Variants in ANKRD55 observed in about 807,000 individuals in gnomAD.
ANKRD55 encodes the protein ankyrin repeat domain-containing protein 55.
Under a neutral mutation model 60.6 loss-of-function variants are expected in ANKRD55, and 41 were observed. That is an observed-to-expected ratio of 0.68 (90% CI 0.53 to 0.88). ANKRD55 has a LOEUF of 0.88. Ranked by LOEUF, ANKRD55 falls within the 40% of genes least tolerant of loss-of-function variation. ANKRD55 has a pLI of 0.00. For synonymous variants in ANKRD55, 264 were observed against 290.3 expected, an observed-to-expected ratio of 0.91 and a Z score of 0.92; for missense variants, 732 against 767.6, an observed-to-expected ratio of 0.95 and a Z score of 0.55.
chr5:56,184,609 A>C (rs2111833561), intron 2 of ANKRD55, among the ~76,000 whole-genome samples: 1 of 152,310 alleles, frequency 6.6e-6, no homozygotes, highest in East Asian at 1.9e-4. Context: ...GGTCAAAGGC[A>C]ACATCAGGCC....
chr5:56,129,157 C>T (rs985619467), intron 7 of ANKRD55, among the ~76,000 whole-genome samples: 1 of 152,092 alleles, frequency 6.6e-6, no homozygotes, highest in African/African-American at 2.4e-5. Flanking sequence ...GACTGTGTGT[C>T]AGCCAAAAAT....
chr5:56,227,328 G>A (rs532800434), intron 2 of ANKRD55, among the ~76,000 whole-genome samples: 1 of 143,454 alleles, frequency 7.0e-6, no homozygotes, highest in African/African-American at 2.6e-5. Flanking sequence ...CCACACACCC[G>A]GGCCTGTTGT....
At chr5:56,210,775 A>G (rs1251907411) in intron 2 of ANKRD55, among the ~76,000 whole-genome samples, 1 of 152,200 alleles carries the variant, frequency 6.6e-6, no homozygotes, top group Admixed American at 6.5e-5. Context: ...ATGATTAGAA[A>G]TAACTTTATG....
chr5:56,220,014 G>A (rs927795462), intron 2 of ANKRD55, among the ~76,000 whole-genome samples: 4 of 152,208 alleles, frequency 2.6e-5, no homozygotes, highest in Non-Finnish European at 5.9e-5. Flanking sequence ...CAGCATGGTG[G>A]CCCAGCTGCC....
chr5:56,214,269 T>G (rs1356885278), intron 2 of ANKRD55, among the ~76,000 whole-genome samples: 1 of 152,170 alleles, frequency 6.6e-6, no homozygotes, highest in African/African-American at 2.4e-5. Context: ...AGAGAGGAAG[T>G]GAAGGCTTGG....
At position 56,100,222 on chromosome 5, in the gene ANKRD55, CTCT is replaced by C; in HGVS notation, c.1803_1805del (p.Glu602del). 6.2e-7 allele frequency: 1 copy of C among 1,614,216 alleles called. No individual in the cohort carries two copies. The highest frequency in any genetic ancestry group is 8.5e-7 in the Non-Finnish European group (1 of 1,180,026). On this transcript the variant is annotated inframe_deletion, in exon 12 of 12. Coordinates refer to ENST00000341048, the MANE Select transcript of ANKRD55 (RefSeq NM_024669.3). ...TGGTGGGGTTGGCAGAATGTTCACTCTCTTCTGCTGCTGTGCTGTGTCTTCGTT... is the reference window on the plus strand; with the variant it reads ...TGGTGGGGTTGGCAGAATGTTCACTCTCTGCTGCTGTGCTGTGTCTTCGTT...
chr5:56,104,081 T>C (rs1420312630), intron 10 of ANKRD55, among the ~76,000 whole-genome samples: 2 of 152,232 alleles, frequency 1.3e-5, no homozygotes, highest in Admixed American at 6.5e-5. Flanking sequence ...TGAAAATTTA[T>C]ATTAGCGAAC....
chr5:56,212,049 GAC>G (rs200349739), intron 2 of ANKRD55, among the ~76,000 whole-genome samples: 12,317 of 129,850 alleles, frequency 0.095, 534 homozygotes, highest in East Asian at 0.2. Flanking sequence ...AACTGGTAAA[GAC>G]ACACACACAC....
chr5:56,146,430 G>A (rs1451052596), intron 6 of ANKRD55, among the ~76,000 whole-genome samples: 1 of 151,868 alleles, frequency 6.6e-6, no homozygotes, highest in Admixed American at 6.6e-5. Flanking sequence ...GATTACAGGT[G>A]CCCGCCACCA....
rs762385827 is a variant in ANKRD55, at chr5:56,176,314, A to C, written c.182-32T>G. On this transcript the variant is annotated intron_variant, in intron 3 of 11. Coordinates refer to ENST00000341048, the MANE Select transcript of ANKRD55 (RefSeq NM_024669.3). Reference sequence around the variant, plus strand: ...TGAGACATTTCAACAGCCTTTAAACATGTGTGACCCATGAAACTGATGAGC... The same window carrying C: ...TGAGACATTTCAACAGCCTTTAAACCTGTGTGACCCATGAAACTGATGAGC... 22 of 1,613,592 alleles carry C rather than the reference A, an allele frequency of 1.4e-5. No homozygotes were observed. In the Middle Eastern group the frequency reaches 6.6e-4, roughly 48 times the overall value.
At chr5:56,167,618 T>C (rs924753576) in intron 5 of ANKRD55, among the ~76,000 whole-genome samples, 18 of 152,244 alleles carry the variant, frequency 1.2e-4, no homozygotes, top group Non-Finnish European at 2.2e-4. Context: ...AGCAGAATTT[T>C]ATCTTTCAGA....
rs1378793890 is a variant in ANKRD55, at chr5:56,113,361, A to G, written c.966-1579T>C. 3.9e-5 allele frequency among the ~76,000 whole-genome samples: 6 copies of G among 152,324 alleles called. No homozygotes were observed. The East Asian group carries it at 1.2e-3, about 29-fold the overall frequency. ...GGCATCAATGTACTTGCAGAAAAAA[A>G]AAGTCCTTTAACTTAATAATGTCCT... On this transcript the variant is annotated intron_variant, in intron 9 of 11. Transcript: ENST00000341048.
At chr5:56,231,669 A>G (rs913730048) in intron 2 of ANKRD55, among the ~76,000 whole-genome samples, 7 of 142,914 alleles carry the variant, frequency 4.9e-5, no homozygotes, top group African/African-American at 1.2e-4. Flanking sequence ...ACACACACAC[A>G]CACACACACA....
intron 7 of ANKRD55, chr5:56,137,579 G>T: frequency 1.6e-6 from 1 of 636,626 alleles, no homozygotes; most frequent in Non-Finnish European, 2.8e-6. Context: ...AAAAAAAAAA[G>T]AATTCCAGGA....
At chr5:56,189,726 C>G (rs983175920) in intron 2 of ANKRD55, among the ~76,000 whole-genome samples, 4 of 152,174 alleles carry the variant, frequency 2.6e-5, no homozygotes, top group African/African-American at 7.2e-5. Context: ...CATTACCTGT[C>G]AGTGGACACT....
intron 6 of ANKRD55, among the ~76,000 whole-genome samples, chr5:56,159,126 G>A (rs774414792): frequency 6.6e-6 from 1 of 152,176 alleles, no homozygotes; most frequent in Admixed American, 6.5e-5. Flanking sequence ...GTGACCACTG[G>A]CACGCGCCAC....
At chr5:56,166,111 T>TTTCTTTCTTTCTTTC (rs1758453750) in intron 5 of ANKRD55, among the ~76,000 whole-genome samples, 1 of 76,120 alleles carries the variant, frequency 1.3e-5, no homozygotes, top group Non-Finnish European at 2.6e-5. Flanking sequence ...TCTTTCTTTC[T>TTTCTTTCTTTCTTTC]TTCTTTCTTT....
At chr5:56,112,524 A>AAAAAAAAAAACAAAAAAAAAAACC (rs1756763321) in intron 9 of ANKRD55, among the ~76,000 whole-genome samples, 1 of 150,774 alleles carries the variant, frequency 6.6e-6, no homozygotes, top group Admixed American at 6.6e-5. Context: ...AAAAAAAAAC[A>AAAAAAAAAAACAAAAAAAAAAACC]ACCAAGGAAA....
chr5:56,121,474 G>A (rs1025255460), intron 8 of ANKRD55, among the ~76,000 whole-genome samples: 3 of 149,722 alleles, frequency 2.0e-5, no homozygotes, highest in Non-Finnish European at 4.4e-5. Context: ...TGGGGTTCAA[G>A]CGATTCTCCT....
Sources: gnomAD v4.1 joint callset for allele counts (sites outside exome capture counted in the v4.1 genomes callset) on GRCh38, gnomAD v4.1.1 for gene constraint, MANE v1.5 for transcripts, NCBI Gene and HGNC (gene_info 2026-07-23, HGNC 2026-07-21) for gene names.